Variants in SDC2 observed in about 807,000 individuals in gnomAD.
SDC2 encodes the protein syndecan-2.
SDC2 carries 13 observed loss-of-function variants against 22.2 expected under a neutral mutation model. The ratio of observed to expected loss-of-function variants is 0.59; its 90% CI spans 0.38 to 0.93. The LOEUF (loss-of-function observed/expected upper bound fraction) is 0.93, where lower values mean the gene tolerates loss of function less well. Ranked by LOEUF, SDC2 falls within the 40% of genes least tolerant of loss-of-function variation. SDC2 has a pLI of 0.00. For synonymous variants in SDC2, 94 were observed against 92.8 expected, an observed-to-expected ratio of 1.01 and a Z score of -0.07; for missense variants, 235 against 246.8, an observed-to-expected ratio of 0.95 and a Z score of 0.32.
intron 1 of SDC2, among the ~76,000 whole-genome samples, chr8:96,568,493 G>A (rs1814337036): frequency 6.6e-6 from 1 of 152,222 alleles, no homozygotes; most frequent in Admixed American, 6.5e-5. Flanking sequence ...ATGGTAGTTG[G>A]AGCGATGTAT....
In SDC2 at chr8:96,576,414, CTCT is replaced by C. The variant is rs1445053991; in HGVS notation, c.61-17064_61-17062del. On this transcript the variant is annotated intron_variant, in intron 1 of 4. Coordinates refer to ENST00000302190, the MANE Select transcript of SDC2 (RefSeq NM_002998.4). ...TTTTTACCAGATTTGCTTTATTATT[CTCT>C]TTTTTTTTTTTTTTTTTTTTGAGAC... Among the ~76,000 whole-genome samples, 2 of 14,852 alleles carry C rather than the reference CTCT, an allele frequency of 1.3e-4. 1 individual carries two copies. Among genetic ancestry groups the C allele is most frequent in the Non-Finnish European group, 4.5e-4 (2 of 4,486 alleles). 9.7% of individuals were successfully genotyped at this position (14,852 alleles called of 152,430 possible).
intron 1 of SDC2, among the ~76,000 whole-genome samples, chr8:96,510,501 C>T (rs1563642676): frequency 6.6e-6 from 1 of 152,318 alleles, no homozygotes; most frequent in East Asian, 1.9e-4. Context: ...CCCTCACTCA[C>T]TTCTAAAACA....
chr8:96,565,530 T>TA (rs1171117297), intron 1 of SDC2, among the ~76,000 whole-genome samples: 2 of 152,214 alleles, frequency 1.3e-5, no homozygotes, highest in African/African-American at 4.8e-5. Flanking sequence ...AATCTATATG[T>TA]ATATGTATTA....
chr8:96,585,356 A>G (rs1024222938), intron 1 of SDC2, among the ~76,000 whole-genome samples: 5 of 152,146 alleles, frequency 3.3e-5, no homozygotes, highest in African/African-American at 1.2e-4. Flanking sequence ...AGCTGGTTTT[A>G]TTCAGTTAAG....
chr8:96,512,319 AGAT>A (rs1813341406), intron 1 of SDC2, among the ~76,000 whole-genome samples: 1 of 152,214 alleles, frequency 6.6e-6, no homozygotes, highest in African/African-American at 2.4e-5. Flanking sequence ...GGTGGTGGCA[AGAT>A]GGAGTCTGGC....
chr8:96,494,401 A>G, intron 1 of SDC2, 70 bp downstream of exon 1: 1 of 1,455,722 alleles, frequency 6.9e-7, no homozygotes, highest in Non-Finnish European at 9.2e-7. Context: ...GCCCGCAGGG[A>G]ATAGGGGAGC....
At chr8:96,592,340 AATTTT>A (rs1586319491) in intron 1 of SDC2, among the ~76,000 whole-genome samples, 2 of 152,304 alleles carry the variant, frequency 1.3e-5, no homozygotes, top group East Asian at 3.9e-4. Context: ...TGGAAGAGAA[AATTTT>A]ATTTTAAGAT....
At chr8:96,534,200 C>T (rs964870636) in intron 1 of SDC2, among the ~76,000 whole-genome samples, 5 of 152,226 alleles carry the variant, frequency 3.3e-5, no homozygotes, top group Non-Finnish European at 7.4e-5. Flanking sequence ...CCCTCCACAC[C>T]TCCCTGCAAG....
At chr8:96,592,977 G>A (rs544059776) in intron 1 of SDC2, among the ~76,000 whole-genome samples, 2 of 152,298 alleles carry the variant, frequency 1.3e-5, no homozygotes, top group African/African-American at 4.8e-5. Flanking sequence ...CATCTGTAGC[G>A]GTAAAGTTCT....
intron 1 of SDC2, among the ~76,000 whole-genome samples, chr8:96,541,023 T>C (rs1309751981): frequency 6.6e-6 from 1 of 151,972 alleles, no homozygotes. Context: ...AAGGAGACTG[T>C]CTTTCAGTCT....
chr8:96,546,189 C>G (rs1338027183), intron 1 of SDC2, among the ~76,000 whole-genome samples: 1 of 152,152 alleles, frequency 6.6e-6, no homozygotes, highest in Non-Finnish European at 1.5e-5. Context: ...TCCAAAGTAG[C>G]CTTAAATCAG....
intron 1 of SDC2, among the ~76,000 whole-genome samples, chr8:96,535,303 G>C (rs1480633782): frequency 6.6e-6 from 1 of 152,116 alleles, no homozygotes; most frequent in Non-Finnish European, 1.5e-5. Flanking sequence ...CACTGTGCCC[G>C]GCCCCAAATA....
chr8:96,559,584 G>A (rs548874899), intron 1 of SDC2, among the ~76,000 whole-genome samples: 36 of 152,202 alleles, frequency 2.4e-4, no homozygotes, highest in Non-Finnish European at 4.1e-4. Context: ...ACTGCCTCCA[G>A]TAGGTTTTGC....
intron 1 of SDC2, among the ~76,000 whole-genome samples, chr8:96,567,191 T>G (rs1024534462): frequency 6.6e-6 from 1 of 152,206 alleles, no homozygotes; most frequent in Non-Finnish European, 1.5e-5. Flanking sequence ...GGTGATAGTT[T>G]ATTAGTAAGC....
At chr8:96,515,853 A>G (rs1586274438) in intron 1 of SDC2, among the ~76,000 whole-genome samples, 1 of 152,200 alleles carries the variant, frequency 6.6e-6, no homozygotes, top group Non-Finnish European at 1.5e-5. Flanking sequence ...CCAAATGCCC[A>G]TGATTTTGAT....
intron 1 of SDC2, among the ~76,000 whole-genome samples, chr8:96,574,180 T>G (rs928904879): frequency 6.6e-6 from 1 of 151,958 alleles, no homozygotes; most frequent in African/African-American, 2.4e-5. Flanking sequence ...GCCAGCATCT[T>G]TAGCCTAGGG....
At chr8:96,574,899 G>C (rs1294927074) in intron 1 of SDC2, among the ~76,000 whole-genome samples, 1 of 152,192 alleles carries the variant, frequency 6.6e-6, no homozygotes, top group African/African-American at 2.4e-5. Flanking sequence ...GAGGGCAGGG[G>C]TGGGGGATGG....
At chr8:96,561,272 T>G (rs1338850011) in intron 1 of SDC2, among the ~76,000 whole-genome samples, 1 of 152,264 alleles carries the variant, frequency 6.6e-6, no homozygotes, top group African/African-American at 2.4e-5. Context: ...AAAAGTATAC[T>G]CAGTATATGC....
At chr8:96,535,614 G>A (rs992443426) in intron 1 of SDC2, among the ~76,000 whole-genome samples, 6 of 152,336 alleles carry the variant, frequency 3.9e-5, no homozygotes, top group Middle Eastern at 3.4e-3. Flanking sequence ...TGTGATTTTA[G>A]GGGTAGAGAT....
Sources: gnomAD v4.1 joint callset for allele counts (sites outside exome capture counted in the v4.1 genomes callset) on GRCh38, gnomAD v4.1.1 for gene constraint, MANE v1.5 for transcripts, NCBI Gene and HGNC (gene_info 2026-07-23, HGNC 2026-07-21) for gene names.